SELE: variants seen among roughly 807,000 people sequenced by gnomAD.
SELE encodes E-selectin.
A neutral mutation model predicts 75.8 loss-of-function variants in SELE; 52 were observed. The observed-to-expected ratio is 0.69, with a 90% CI of 0.55 to 0.86. The LOEUF is 0.86. Ranked by LOEUF, SELE falls within the 40% of genes least tolerant of loss-of-function variation. The pLI is 0.00. For synonymous variants in SELE, 285 were observed against 258.7 expected (o/e 1.10, Z -0.98); for missense variants, 754 against 732.7 (o/e 1.03, Z -0.34).
Position 169,728,230 on chromosome 1 carries a change from G to T in SELE, c.1107C>A (p.Ala369=), listed in dbSNP as rs1315121713. The change falls in exon 8 of 14, where the codon GCC becomes GCA. Residue 369 remains alanine, a synonymous_variant. Transcript: ENST00000333360. ...TGTAGCCTCGCTCGGGGTTGGACAA[G>T]GCTGTGCACTGGAAAGCTGAGACAT... is the stretch of plus-strand genomic sequence containing the variant. ...IPVCEAFQCT[A]LSNPERGYMN... is the part of the protein sequence containing the mutation. 1.2e-6 allele frequency: 2 copies of T among 1,613,540 alleles called. No individual in the cohort carries two copies. Among genetic ancestry groups the T allele is most frequent in the Non-Finnish European group, 1.7e-6 (2 of 1,179,866 alleles).
intron 11 of SELE, 52 bp from the exon 12 acceptor site, chr1:169,725,980 G>T: frequency 4.4e-6 from 7 of 1,598,596 alleles, no homozygotes; most frequent in Non-Finnish European, 6.0e-6. Flanking sequence ...GACTTTTAAG[G>T]ATATATTAAA....
chr1:169,725,258 C>T (rs1367148275), intron 13 of SELE, among the ~76,000 whole-genome samples: 3 of 152,022 alleles, frequency 2.0e-5, no homozygotes, highest in Non-Finnish European at 4.4e-5. Context: ...TGGCAGGCAC[C>T]TGTAATCCCA....
intron 11 of SELE, among the ~76,000 whole-genome samples, chr1:169,726,421 G>C (rs3917430): frequency 0.19 from 28,601 of 152,082 alleles, 2,964 homozygotes; most frequent in Middle Eastern, 0.26. Context: ...CATCATGGCA[G>C]TTCCATTGCA....
At chr1:169,730,235 C>A in intron 5 of SELE, among the ~76,000 whole-genome samples, 197 bp downstream of exon 5, 1 of 151,750 alleles carries the variant, frequency 6.6e-6, no homozygotes, top group East Asian at 1.9e-4. Flanking sequence ...CCATTTCAAG[C>A]ATAGAATAAA....
Position 169,723,285 on chromosome 1 carries a change from T to C in SELE, c.*1240A>G, listed in dbSNP as rs954565496. 3.3e-5 allele frequency: 5 copies of C among 152,222 alleles called. No individual in the cohort carries two copies. Among genetic ancestry groups the C allele is most frequent in the Non-Finnish European group, 5.9e-5 (4 of 68,026 alleles). The allele number at this position is 152,222 out of a possible 1,614,324, so 9.4% of individuals were successfully genotyped here. ...AGGGAATAACTATTAGACATCTTCA[T>C]TCGTTAAAAATCTACCAGATGACTC... On this transcript the variant is annotated 3_prime_UTR_variant, in exon 14 of 14. Transcript: ENST00000333360.
At chr1:169,731,645 CA>C (rs1228568720) in intron 4 of SELE, 189 bp downstream of exon 4, 4 of 516,108 alleles carry the variant, frequency 7.8e-6, no homozygotes, top group Non-Finnish European at 1.0e-5. Flanking sequence ...GTCAAGGTGC[CA>C]AAATAAATAA....
rs367675111 is a variant in SELE at position 169,729,443 on chromosome 1, A to C, written c.901+45T>G. On this transcript the variant is annotated intron_variant, in intron 6 of 13. Coordinates refer to ENST00000333360, the MANE Select transcript of SELE (RefSeq NM_000450.2). Reference sequence around the variant, plus strand: ...GCTTGCCCATTTCCAGTATGGGTTGAGAGAAAGAATGTTCACAGTAAGTCT... The same window carrying C: ...GCTTGCCCATTTCCAGTATGGGTTGCGAGAAAGAATGTTCACAGTAAGTCT... 4 of 1,609,060 alleles carry C rather than the reference A, an allele frequency of 2.5e-6. No individual in the cohort carries two copies. In the African/African-American group the frequency reaches 5.3e-5, roughly 22 times the overall value.
rs1534904 is a variant in SELE, at chr1:169,729,684, T to G, written c.716-11A>C. ...CATCACACTCAACCACTGAGGATTT[T>G]AAAGAGCACCATGAATTTTACAGAA... is the stretch of plus-strand genomic sequence containing the variant. On this transcript the variant is annotated splice_polypyrimidine_tract_variant and intron_variant, in intron 5 of 13. Coordinates refer to ENST00000333360, the MANE Select transcript of SELE (RefSeq NM_000450.2). 0.7 allele frequency: 1,125,219 copies of G among 1,611,364 alleles called. 397,399 individuals carry two copies. The highest frequency in any genetic ancestry group is 0.94 in the African/African-American group (70,708 of 74,974).
chr1:169,732,904 G>T lies in SELE; in HGVS notation c.132C>A (p.Tyr44Ter). 1 of 1,614,132 alleles carries T rather than the reference G, an allele frequency of 6.2e-7. No individual in the cohort carries two copies. Among genetic ancestry groups the T allele is most frequent in the Non-Finnish European group, 8.5e-7 (1 of 1,180,012 alleles). ...DEASAYCQQR[Y>*]THLVAIQNKE... The stretch of plus-strand genomic sequence containing the variant: ...TGTTTTGAATTGCAACCAGGTGTGT[G>T]TACCTTTGCTGACAATAAGCACTGG... Residue 44 changes from tyrosine to a stop codon, truncating the protein, a stop_gained, in exon 3 of 14, where the codon TAC becomes TAA. Transcript: ENST00000333360. LOFTEE classifies it high-confidence loss of function.
intron 5 of SELE, among the ~76,000 whole-genome samples, 181 bp downstream of exon 5, chr1:169,730,251 C>G (rs752300399): frequency 6.6e-6 from 1 of 152,106 alleles, no homozygotes; most frequent in Non-Finnish European, 1.5e-5. Context: ...ATAAAAAAAC[C>G]TCTCTCAACC....
At chr1:169,729,925 A>C (rs764251458) in intron 5 of SELE, among the ~76,000 whole-genome samples, 3 of 152,130 alleles carry the variant, frequency 2.0e-5, no homozygotes, top group Non-Finnish European at 4.4e-5. Flanking sequence ...GTGAGGTAAA[A>C]ATTTAAAAAA....
chr1:169,729,142 G>T (rs1397943857), intron 7 of SELE, 44 bp downstream of exon 7: 5 of 1,509,704 alleles, frequency 3.3e-6, no homozygotes, highest in South Asian at 2.6e-5. Flanking sequence ...GTTTGAAGAT[G>T]GTTGTTCTTT....
rs745800488 is a variant in SELE at position 169,727,497 on chromosome 1, C to T, written c.1497G>A (p.Pro499=). The T allele has an allele frequency of 2.6e-5, 42 of 1,614,000 alleles. No individual in the cohort carries two copies. Among genetic ancestry groups the T allele is most frequent in the East Asian group, 2.5e-4 (11 of 44,864 alleles). ...QVVKCSSLAV[P]GKINMSCSGE... ...CACTGCAGCTCATGTTGATCTTTCCCGGAACTGCCAGGCTTGAACATTTTA... is the reference window on the plus strand; with the variant it reads ...CACTGCAGCTCATGTTGATCTTTCCTGGAACTGCCAGGCTTGAACATTTTA... Residue 499 remains proline, a synonymous_variant, in exon 10 of 14, where the codon CCG becomes CCA. Coordinates refer to ENST00000333360, the MANE Select transcript of SELE (RefSeq NM_000450.2).
rs2101994806 is a variant in SELE at position 169,733,961 on chromosome 1, C to T, written c.-49+10G>A. On this transcript the variant is annotated intron_variant, in intron 1 of 13. Transcript: ENST00000333360. The stretch of plus-strand genomic sequence containing the variant: ...CCCGAGGCTGCCCTTATAAAGCGTT[C>T]TGCACTTACCGTTTTGGGAAGCAGT... The T allele has an allele frequency of 3.8e-6, 1 of 260,556 alleles. No individual in the cohort carries two copies. The highest frequency in any genetic ancestry group is 9.2e-5 in the East Asian group (1 of 10,878). The allele number at this position is 260,556 out of a possible 1,614,324, so 16.1% of individuals were successfully genotyped here. A position where few individuals can be genotyped will look rare whatever the true frequency, so the allele number is the denominator to read the frequency against.
At chr1:169,733,050 A>G (rs1464360728) in intron 2 of SELE, 52 bp from the exon 3 acceptor site, 4 of 1,475,032 alleles carry the variant, frequency 2.7e-6, no homozygotes, top group Non-Finnish European at 3.6e-6. Flanking sequence ...GTTGTGGTTT[A>G]ACTCTGACAA....
chr1:169,730,443 G>A lies in SELE; in HGVS notation c.704C>T (p.Pro235Leu). The change falls in exon 5 of 14, where the codon CCA (proline) becomes CTA (leucine). Residue 235 changes from proline to leucine, a missense_variant. Pro to Leu is a moderately conservative substitution (Grantham distance 98). Coordinates refer to ENST00000333360, the MANE Select transcript of SELE (RefSeq NM_000450.2). ...MSSGEWSAPI[P>L]ACNVVECDAV... is the part of the protein sequence containing the mutation. ...TCAGAGGGATTTACCATTGCAGGCT[G>A]GAATAGGAGCACTCCATTCTCCAGA... 6.3e-7 allele frequency: 1 copy of A among 1,593,872 alleles called. No homozygotes were observed. The highest frequency in any genetic ancestry group is 8.6e-7 in the Non-Finnish European group (1 of 1,166,776).
At chr1:169,732,029 G>A in intron 3 of SELE, 87 bp from the exon 4 acceptor site, 1 of 813,634 alleles carries the variant, frequency 1.2e-6, no homozygotes, top group Admixed American at 2.1e-5. Flanking sequence ...GTGTGCAACA[G>A]AGACATCAGC....
At chr1:169,728,833 A>G (rs1571145156) in intron 7 of SELE, among the ~76,000 whole-genome samples, 1 of 152,344 alleles carries the variant, frequency 6.6e-6, no homozygotes, top group Non-Finnish European at 1.5e-5. Context: ...GAGCCATTTC[A>G]GAAGACAGGT....
chr1:169,733,486 G>T (rs1331597600), intron 2 of SELE, 90 bp downstream of exon 2: 1 of 1,297,310 alleles, frequency 7.7e-7, no homozygotes, highest in Non-Finnish European at 1.1e-6. Context: ...GATATCCTGT[G>T]CAGGACAGCC....
Sources: gnomAD v4.1 joint callset for allele counts (sites outside exome capture counted in the v4.1 genomes callset) on GRCh38, gnomAD v4.1.1 for gene constraint, MANE v1.5 for transcripts, NCBI Gene and HGNC (gene_info 2026-07-23, HGNC 2026-07-21) for gene names.